The following TNRC18 variants were observed in gnomAD, a reference collection of about 807,000 sequenced individuals.
TNRC18 encodes the protein trinucleotide repeat containing 18.
In TNRC18, 69 loss-of-function variants were observed where a neutral mutation model predicts 226.7. The ratio of observed to expected loss-of-function variants is 0.30; its 90% CI spans 0.25 to 0.37. The LOEUF is 0.37. Among genes scored for constraint, TNRC18 ranks in the 10% least tolerant of loss-of-function variants. The probability of loss-of-function intolerance (pLI) is 1.00; values close to 1 mark genes in which losing one functional copy is unlikely to be tolerated. For synonymous variants in TNRC18, 2,449 were observed against 1,927.6 expected, an observed-to-expected ratio of 1.27 and a Z score of -7.09; for missense variants, 4,754 against 4,256.6, an observed-to-expected ratio of 1.12 and a Z score of -3.25.
intron 15 of TNRC18, among the ~76,000 whole-genome samples, chr7:5,358,778 C>T (rs1286210566): frequency 6.6e-6 from 1 of 152,184 alleles, no homozygotes; most frequent in African/African-American, 2.4e-5. Flanking sequence ...CGTGCCACGG[C>T]ACTCCAGCCT....
chr7:5,324,143 G>C lies in TNRC18; in HGVS notation c.6442+71C>G. 1 of 1,500,642 alleles carries C rather than the reference G, an allele frequency of 6.7e-7. No homozygotes were observed. Among genetic ancestry groups the C allele is most frequent in the Non-Finnish European group, 8.9e-7 (1 of 1,121,356 alleles). 93.0% of individuals were successfully genotyped at this position (1,500,642 alleles called of 1,614,324 possible). ...GCCCAGCCCTTCAGTCTCAAGCCTT[G>C]CTCAGATCTGCCTCCCCCAAGGGAG... On this transcript the variant is annotated intron_variant, in intron 21 of 29. Transcript: ENST00000430969. This position sits in a 1 kb window ranked among gnomAD's most constrained non-coding sequence, Gnocchi z 4.8.
intron 19 of TNRC18, among the ~76,000 whole-genome samples, chr7:5,328,238 G>C (rs1380432452): frequency 1.3e-5 from 2 of 151,600 alleles, no homozygotes; most frequent in African/African-American, 4.8e-5. Context: ...AAAAAATACT[G>C]ATGTCCAGGT....
chr7:5,420,488 G>A (rs1782493544), intron 2 of TNRC18: 1 of 450,746 alleles, frequency 2.2e-6, no homozygotes, highest in African/African-American at 2.0e-5. Flanking sequence ...GGAAGAAAGG[G>A]GCATCCCGCC....
chr7:5,395,860 G>A (rs1283252856), intron 2 of TNRC18, among the ~76,000 whole-genome samples: 1 of 152,198 alleles, frequency 6.6e-6, no homozygotes, highest in African/African-American at 2.4e-5. Flanking sequence ...AGCTGGATGT[G>A]GTGGCGGGCA....
At chr7:5,330,927 G>A (rs1046109382) in intron 19 of TNRC18, among the ~76,000 whole-genome samples, 2 of 151,950 alleles carry the variant, frequency 1.3e-5, no homozygotes, top group African/African-American at 4.8e-5. Flanking sequence ...CACCCACCTT[G>A]GCCTCCCAAA....
rs1250062294 is a variant in TNRC18 at position 5,309,758 on chromosome 7, G to A, written c.8389-390C>T. On this transcript the variant is annotated intron_variant, in intron 27 of 29. Transcript: ENST00000430969. The surrounding 1 kb of genome is among the most constrained non-coding windows in gnomAD (Gnocchi z 5.7). ...AGCTGAGAATACAGGCGCACACCAC[G>A]CCCGGCTAATTTTGATTATTTTTGT... is the stretch of plus-strand genomic sequence containing the variant. Among the ~76,000 whole-genome samples the A allele has an allele frequency of 2.0e-5, 3 of 152,102 alleles. No homozygotes were observed. Among genetic ancestry groups the A allele is most frequent in the South Asian group, 2.1e-4 (1 of 4,826 alleles).
intron 2 of TNRC18, among the ~76,000 whole-genome samples, chr7:5,416,509 C>G (rs1051013300): frequency 6.6e-6 from 1 of 152,160 alleles, no homozygotes; most frequent in South Asian, 2.1e-4. Flanking sequence ...TCTCTTGAGC[C>G]CAGGAGTTTG....
In TNRC18 at chr7:5,394,373, G is replaced by C. The variant is rs929086805; in HGVS notation, c.343+67C>G. On this transcript the variant is annotated intron_variant, in intron 3 of 29. Coordinates refer to ENST00000430969, the MANE Select transcript of TNRC18 (RefSeq NM_001080495.3). This position sits in a 1 kb window ranked among gnomAD's most constrained non-coding sequence, Gnocchi z 4.5. ...CAGCGATGACAACAGAGGGGCACAT[G>C]AAGTGGCCAGAGTGGCTGGGACGTC... 1 of 1,411,958 alleles carries C rather than the reference G, an allele frequency of 7.1e-7. No homozygotes were observed. Among genetic ancestry groups the C allele is most frequent in the Non-Finnish European group, 9.4e-7 (1 of 1,066,940 alleles). The allele number at this position is 1,411,958 out of a possible 1,614,324, so 87.5% of individuals were successfully genotyped here.
chr7:5,374,084 G>A lies in TNRC18; in HGVS notation c.3200C>T (p.Ala1067Val). ...GAACAGGGCCTGGAAGGGGCTGGGGGCTTCCTTCTCCAACTCCAAGTCTTT... is the reference window on the plus strand; with the variant it reads ...GAACAGGGCCTGGAAGGGGCTGGGGACTTCCTTCTCCAACTCCAAGTCTTT... ...EKKDLELEKE[A>V]PSPFQALFSD... The change falls in exon 10 of 30, where the codon GCC (alanine) becomes GTC (valine). Residue 1067 changes from alanine (A) to valine (V), a missense_variant. Physicochemically the swap from Ala to Val is moderately conservative, Grantham distance 64. Transcript: ENST00000430969. 6.3e-7 allele frequency: 1 copy of A among 1,580,752 alleles called. No individual in the cohort carries two copies. The highest frequency in any genetic ancestry group is 2.5e-5 in the East Asian group (1 of 40,694).
At chr7:5,376,318 C>A in intron 8 of TNRC18, 94 bp from the exon 9 acceptor site, 1 of 1,130,896 alleles carries the variant, frequency 8.8e-7, no homozygotes, top group Non-Finnish European at 1.2e-6. Flanking sequence ...AGGGGCCACA[C>A]CCACACAGTG....
At chr7:5,409,812 TAAAAAAAA>T (rs35153914) in intron 2 of TNRC18, among the ~76,000 whole-genome samples, 2 of 104,736 alleles carry the variant, frequency 1.9e-5, no homozygotes, top group African/African-American at 3.6e-5. Context: ...CCGTCTCTAC[TAAAAAAAA>T]AAAAAAAAAA....
rs1010694473 is a variant in TNRC18 at position 5,388,420 on chromosome 7, G to A, written c.1404C>T (p.Pro468=). 1.6e-5 allele frequency: 24 copies of A among 1,482,376 alleles called. No individual in the cohort carries two copies. Among genetic ancestry groups the A allele is most frequent in the Non-Finnish European group, 1.9e-5 (21 of 1,127,368 alleles). 91.8% of individuals were successfully genotyped at this position (1,482,376 alleles called of 1,614,324 possible). The change falls in exon 5 of 30, where the codon CCC becomes CCT. Residue 468 remains proline (P), a synonymous_variant. Transcript: ENST00000430969. The part of the protein sequence containing the change: ...AYVPAKELLK[P]EADPRPCERA... ...GCTCGCAGGGCCTCGGGTCCGCCTCGGGCTTGAGCAGCTCCTTGGCAGGCA... is the reference window on the plus strand; with the variant it reads ...GCTCGCAGGGCCTCGGGTCCGCCTCAGGCTTGAGCAGCTCCTTGGCAGGCA...
rs1162195173 is a variant in TNRC18, at chr7:5,321,014, CGGGACACGGGGCGGGTAT to C, written c.6560+41_6560+58del. 5.9e-5 allele frequency: 75 copies of C among 1,264,140 alleles called. 1 individual carries two copies. The South Asian group carries it at 8.2e-4, about 14-fold the overall frequency. The allele number at this position is 1,264,140 out of a possible 1,614,324, so 78.3% of individuals were successfully genotyped here. A position where few individuals can be genotyped will look rare whatever the true frequency, so the allele number is the denominator to read the frequency against. ...AGAAGCAGCCAGGCACAGAGGCGGC[CGGGACACGGGGCGGGTAT>C]GGGACACGGGGCTCTGTGCCGGACC... On this transcript the variant is annotated intron_variant, in intron 22 of 29. Coordinates refer to ENST00000430969, the MANE Select transcript of TNRC18 (RefSeq NM_001080495.3).
chr7:5,321,011 G>A (rs984303967), intron 22 of TNRC18, 62 bp downstream of exon 22: 7 of 1,222,500 alleles, frequency 5.7e-6, no homozygotes, highest in African/African-American at 3.0e-5. Context: ...GCACAGAGGC[G>A]GCCGGGACAC....
intron 1 of TNRC18, among the ~76,000 whole-genome samples, chr7:5,421,904 G>T (rs995517876): frequency 6.7e-6 from 1 of 149,098 alleles, no homozygotes; most frequent in Non-Finnish European, 1.5e-5. Context: ...GGTCCGAAGT[G>T]TCTCCCAAAA....
At chr7:5,390,175 G>C in intron 4 of TNRC18, 1 of 476,900 alleles carries the variant, frequency 2.1e-6, no homozygotes, top group East Asian at 3.3e-5. Context: ...ACCATCCTGG[G>C]CAACACAGCA....
chr7:5,359,632 A>G, intron 14 of TNRC18, 63 bp from the exon 15 acceptor site: 1 of 1,598,056 alleles, frequency 6.3e-7, no homozygotes, highest in Non-Finnish European at 8.5e-7. Context: ...GCTGAGGTCC[A>G]CCCTCATGGC....
intron 8 of TNRC18, 105 bp downstream of exon 8, chr7:5,376,742 G>T: frequency 7.1e-7 from 1 of 1,412,192 alleles, no homozygotes. Context: ...CCCAGCCCCA[G>T]ATCTGCCGGC....
At chr7:5,326,580 GGACTACA>G (rs1380804461) in intron 19 of TNRC18, among the ~76,000 whole-genome samples, 2 of 152,068 alleles carry the variant, frequency 1.3e-5, no homozygotes, top group East Asian at 3.9e-4. Flanking sequence ...CAAGTAGCTT[GGACTACA>G]GACATGTACC....
Sources: allele counts gnomAD v4.1 joint callset (sites outside exome capture counted in the v4.1 genomes callset), GRCh38; gene constraint gnomAD v4.1.1; non-coding constraint Gnocchi (gnomAD v3.1); transcripts MANE v1.5; gene names NCBI Gene and HGNC (gene_info 2026-07-23, HGNC 2026-07-21).